LRMDA: variants seen among roughly 807,000 people sequenced by gnomAD.
The protein encoded by LRMDA is leucine rich melanocyte differentiation associated, also known as leucine-rich melanocyte differentiation-associated protein.
Under a neutral mutation model 29.8 loss-of-function variants are expected in LRMDA, and 18 were observed. That is an observed-to-expected ratio of 0.60 (90% CI 0.42 to 0.90). The LOEUF is 0.90. Among genes scored for constraint, LRMDA ranks in the 40% least tolerant of loss-of-function variants. LRMDA has a pLI of 0.00. For synonymous variants in LRMDA, 125 were observed against 109.4 expected (o/e 1.14, Z -0.89); for missense variants, 273 against 273.9 (o/e 1.00, Z 0.02).
chr10:76,356,198 G>A (rs1018234600), intron 6 of LRMDA, among the ~76,000 whole-genome samples: 1 of 152,216 alleles, frequency 6.6e-6, no homozygotes, highest in African/African-American at 2.4e-5. Context: ...AGTGGTGGTA[G>A]TGGTCATCGT....
chr10:75,915,349 T>A (rs923731457), intron 2 of LRMDA, among the ~76,000 whole-genome samples: 2 of 152,080 alleles, frequency 1.3e-5, no homozygotes, highest in African/African-American at 4.8e-5. Flanking sequence ...TTGGCCAGGC[T>A]TGTCTTGAAC....
At chr10:76,309,602 A>G (rs1197583987) in intron 5 of LRMDA, among the ~76,000 whole-genome samples, 1 of 152,158 alleles carries the variant, frequency 6.6e-6, no homozygotes, top group African/African-American at 2.4e-5. Flanking sequence ...TCTCCCTCTT[A>G]TTACTAGGAA....
At chr10:76,507,768 A>G (rs1462839858) in intron 6 of LRMDA, among the ~76,000 whole-genome samples, 1 of 151,916 alleles carries the variant, frequency 6.6e-6, no homozygotes, top group African/African-American at 2.4e-5. Context: ...TCCCCAGTGT[A>G]TGTTCTTGAT....
At chr10:76,261,069 T>C (rs894790223) in intron 5 of LRMDA, among the ~76,000 whole-genome samples, 11 of 143,348 alleles carry the variant, frequency 7.7e-5, no homozygotes, top group South Asian at 2.3e-4. Flanking sequence ...CTTTTCTTTT[T>C]TTTTTTTTTT....
rs902297991 is a variant in LRMDA, at chr10:76,158,655, T to C, written c.516+99872T>C. On this transcript the variant is annotated intron_variant, in intron 5 of 6. Transcript: ENST00000611255. ...GATTTTAAAAATCTAATTTAATGGA[T>C]TGACTTGTTGAATATCAGAACTGCA... Among the ~76,000 whole-genome samples, 4 of 152,196 alleles carry C rather than the reference T, an allele frequency of 2.6e-5. No homozygotes were observed. In the South Asian group the frequency reaches 8.3e-4, roughly 32 times the overall value.
chr10:76,076,057 C>T (rs1848950725), intron 5 of LRMDA, among the ~76,000 whole-genome samples: 1 of 152,034 alleles, frequency 6.6e-6, no homozygotes, highest in Non-Finnish European at 1.5e-5. Context: ...GACTTAATAA[C>T]TTTGGGCTGG....
intron 2 of LRMDA, among the ~76,000 whole-genome samples, chr10:75,707,069 G>A (rs903801530): frequency 7.9e-5 from 12 of 152,172 alleles, no homozygotes; most frequent in African/African-American, 1.7e-4. Context: ...GCCTTGGGGC[G>A]TTGGAGATTT....
At chr10:76,071,168 T>C (rs1848870408) in intron 5 of LRMDA, among the ~76,000 whole-genome samples, 1 of 152,140 alleles carries the variant, frequency 6.6e-6, no homozygotes. Flanking sequence ...AATTTGTCAT[T>C]GGAATCAGGC....
chr10:76,253,025 G>T (rs1564701064), intron 5 of LRMDA, among the ~76,000 whole-genome samples: 1 of 152,208 alleles, frequency 6.6e-6, no homozygotes, highest in Non-Finnish European at 1.5e-5. Context: ...GGGAGGCCAG[G>T]CATCTGCCGT....
At chr10:75,994,130 G>C (rs1349205621) in intron 2 of LRMDA, among the ~76,000 whole-genome samples, 1 of 152,230 alleles carries the variant, frequency 6.6e-6, no homozygotes, top group Non-Finnish European at 1.5e-5. Context: ...AATGACAGAA[G>C]ATGAATGTGT....
At chr10:75,571,947 A>G (rs1454524763) in intron 2 of LRMDA, among the ~76,000 whole-genome samples, 1 of 151,856 alleles carries the variant, frequency 6.6e-6, no homozygotes, top group Non-Finnish European at 1.5e-5. Context: ...TAACATTCCC[A>G]CTGTTATTAT....
intron 2 of LRMDA, among the ~76,000 whole-genome samples, chr10:75,570,915 T>C (rs1305146636): frequency 6.6e-6 from 1 of 152,222 alleles, no homozygotes; most frequent in Non-Finnish European, 1.5e-5. Context: ...CTTTAGCCAG[T>C]CATTTATACA....
chr10:75,462,804 C>T (rs1844602797), intron 2 of LRMDA, among the ~76,000 whole-genome samples: 2 of 152,128 alleles, frequency 1.3e-5, no homozygotes, highest in African/African-American at 2.4e-5. Flanking sequence ...AGAATTGTCT[C>T]AATAAAAACA....
intron 6 of LRMDA, among the ~76,000 whole-genome samples, chr10:76,427,202 C>A (rs1842136912): frequency 6.6e-6 from 1 of 150,506 alleles, no homozygotes; most frequent in African/African-American, 2.5e-5. Context: ...GGCAGTATGG[C>A]CATTTTCACA....
chr10:76,415,413 CACA>C (rs1305248617), intron 6 of LRMDA, among the ~76,000 whole-genome samples: 1 of 152,060 alleles, frequency 6.6e-6, no homozygotes, highest in Non-Finnish European at 1.5e-5. Context: ...TTAGTATGGA[CACA>C]AGAGCTGTAC....
chr10:75,609,598 A>G (rs2132097814), intron 2 of LRMDA, among the ~76,000 whole-genome samples: 1 of 152,344 alleles, frequency 6.6e-6, no homozygotes, highest in South Asian at 2.1e-4. Flanking sequence ...AAAAAGTTGC[A>G]AAATTAGAAT....
intron 2 of LRMDA, among the ~76,000 whole-genome samples, chr10:75,499,682 G>T (rs931796173): frequency 6.6e-6 from 1 of 152,226 alleles, no homozygotes; most frequent in African/African-American, 2.4e-5. Flanking sequence ...GGCCTGAGCA[G>T]TGCCTTCGGT....
chr10:76,044,259 G>C (rs1214528846), intron 3 of LRMDA, among the ~76,000 whole-genome samples: 2 of 152,094 alleles, frequency 1.3e-5, no homozygotes, highest in Non-Finnish European at 2.9e-5. Flanking sequence ...CTGGGACTGA[G>C]GCCCGTGCAG....
chr10:75,761,437 A>G (rs1199059689), intron 2 of LRMDA, among the ~76,000 whole-genome samples: 3 of 152,256 alleles, frequency 2.0e-5, no homozygotes. Context: ...CAGTCACAGA[A>G]AGACAAATAC....
Sources: gnomAD v4.1 joint callset for allele counts (sites outside exome capture counted in the v4.1 genomes callset) on GRCh38, gnomAD v4.1.1 for gene constraint, MANE v1.5 for transcripts, NCBI Gene and HGNC (gene_info 2026-07-23, HGNC 2026-07-21) for gene names.